CADM2: variants seen among roughly 807,000 people sequenced by gnomAD.
CADM2 encodes cell adhesion molecule 2, also known as immunoglobulin superfamily member 4D.
A neutral mutation model predicts 49.8 loss-of-function variants in CADM2; 12 were observed. That is an observed-to-expected ratio of 0.24 (90% confidence interval 0.15 to 0.39). CADM2 has a LOEUF of 0.39. Ranked by LOEUF, CADM2 falls within the 10% of genes least tolerant of loss-of-function variation. CADM2 has a pLI of 1.00. For synonymous variants in CADM2, 214 were observed against 175.4 expected (o/e 1.22, Z -1.74); for missense variants, 378 against 492.3 (o/e 0.77, Z 2.20).
chr3:84,959,713 C>A, intron 1 of CADM2, 45 bp downstream of exon 1: 1 of 1,484,798 alleles, frequency 6.7e-7, no homozygotes, highest in Non-Finnish European at 9.1e-7. Context: ...CTCGCCCATT[C>A]CCCATCTTCC....
intron 1 of CADM2, among the ~76,000 whole-genome samples, chr3:85,379,187 T>A (rs781729894): frequency 5.9e-5 from 9 of 151,970 alleles, no homozygotes; most frequent in Non-Finnish European, 1.0e-4. Flanking sequence ...TTTATGTTGA[T>A]CATAATTTCA....
intron 1 of CADM2, among the ~76,000 whole-genome samples, chr3:85,524,045 A>G (rs1047365632): frequency 3.3e-5 from 5 of 152,134 alleles, no homozygotes; most frequent in African/African-American, 1.2e-4. Flanking sequence ...GGAAATCATC[A>G]AACACTGTGA....
chr3:84,965,810 G>A (rs143897515), intron 1 of CADM2, among the ~76,000 whole-genome samples: 4 of 152,226 alleles, frequency 2.6e-5, no homozygotes, highest in East Asian at 3.9e-4. Flanking sequence ...TTACAAAATA[G>A]GAGTTAACTG....
At chr3:85,782,445 G>T (rs1358470178) in intron 2 of CADM2, among the ~76,000 whole-genome samples, 1 of 151,970 alleles carries the variant, frequency 6.6e-6, no homozygotes, top group African/African-American at 2.4e-5. Flanking sequence ...GGGAGGCTGA[G>T]GCGGGCGGAT....
At chr3:85,544,997 G>A (rs925411173) in intron 1 of CADM2, among the ~76,000 whole-genome samples, 1 of 152,058 alleles carries the variant, frequency 6.6e-6, no homozygotes, top group Admixed American at 6.6e-5. Context: ...ACCCAGACCT[G>A]CTCCTTGTCA....
In CADM2 at chr3:85,082,584, A is replaced by T. The variant is rs143407544; in HGVS notation, c.61+122916A>T. Among the ~76,000 whole-genome samples the T allele has an allele frequency of 1.1e-4, 16 of 152,256 alleles. No individual in the cohort carries two copies. The East Asian group carries it at 3.1e-3, about 29-fold the overall frequency. ...TCGCTGAACTTTTCTGAAACTGAAT[A>T]CATTTCTTGACCTGTGACATAGAAG... On this transcript the variant is annotated intron_variant, in intron 1 of 9. Transcript: ENST00000383699.
At chr3:85,769,590 GTATATACACA>G (rs1165333656) in intron 2 of CADM2, among the ~76,000 whole-genome samples, 1 of 80,766 alleles carries the variant, frequency 1.2e-5, no homozygotes, top group Non-Finnish European at 2.1e-5. Flanking sequence ...TACATATATA[GTATATACACA>G]TATATACATA....
At chr3:86,043,085 T>C (rs1170939542) in intron 8 of CADM2, among the ~76,000 whole-genome samples, 1 of 152,142 alleles carries the variant, frequency 6.6e-6, no homozygotes, top group African/African-American at 2.4e-5. Flanking sequence ...TATCTCAAAA[T>C]AATAAGAGCT....
At chr3:85,812,874 T>A (rs375167092) in intron 3 of CADM2, among the ~76,000 whole-genome samples, 1 of 152,194 alleles carries the variant, frequency 6.6e-6, no homozygotes, top group South Asian at 2.1e-4. Context: ...GCAAACAATA[T>A]GAACTCATCC....
intron 1 of CADM2, among the ~76,000 whole-genome samples, chr3:85,545,439 C>T (rs1454522583): frequency 6.6e-6 from 1 of 152,062 alleles, no homozygotes; most frequent in Non-Finnish European, 1.5e-5. Context: ...ACTTTAATAG[C>T]CCAAGGTCAA....
At chr3:85,421,587 A>T (rs978025468) in intron 1 of CADM2, among the ~76,000 whole-genome samples, 1 of 152,164 alleles carries the variant, frequency 6.6e-6, no homozygotes, top group Non-Finnish European at 1.5e-5. Flanking sequence ...ATGAAAACTG[A>T]TTACCTACAC....
Position 85,020,785 on chromosome 3 carries a change from G to GGT in CADM2, c.61+61134_61+61135dup, listed in dbSNP as rs375445421. Among the ~76,000 whole-genome samples the GGT allele has an allele frequency of 7.0e-4, 104 of 149,186 alleles. 1 individual carries two copies. In the South Asian group the frequency reaches 7.3e-3, roughly 10 times the overall value. On this transcript the variant is annotated intron_variant, in intron 1 of 9. Coordinates refer to ENST00000383699, the MANE Select transcript of CADM2 (RefSeq NM_001167675.2). Reference sequence around the variant, plus strand: ...GTGTATGGTGTGTGTGTGTGTAGGGGGTGTGTGTGTGTGTGTGTCCCTGTG... The same window carrying GGT: ...GTGTATGGTGTGTGTGTGTGTAGGGGGTGTGTGTGTGTGTGTGTGTCCCTGTG...
At chr3:85,081,323 C>T (rs2037156422) in intron 1 of CADM2, among the ~76,000 whole-genome samples, 1 of 152,066 alleles carries the variant, frequency 6.6e-6, no homozygotes, top group Non-Finnish European at 1.5e-5. Context: ...TAGCTTCTAT[C>T]AAAAACTAAA....
At chr3:86,002,534 C>T (rs975678071) in intron 8 of CADM2, among the ~76,000 whole-genome samples, 8 of 152,106 alleles carry the variant, frequency 5.3e-5, no homozygotes, top group African/African-American at 1.9e-4. Flanking sequence ...TAGAGATTAT[C>T]CTTCAGAACT....
At chr3:85,843,137 C>T (rs1218533239) in intron 3 of CADM2, among the ~76,000 whole-genome samples, 1 of 152,068 alleles carries the variant, frequency 6.6e-6, no homozygotes, top group African/African-American at 2.4e-5. Flanking sequence ...CTAGACACAT[C>T]TTTTGAAAAA....
chr3:85,865,105 C>A (rs984477045), intron 3 of CADM2, among the ~76,000 whole-genome samples: 1 of 152,204 alleles, frequency 6.6e-6, no homozygotes, highest in Admixed American at 6.5e-5. Flanking sequence ...GTTCTCACTG[C>A]TACAGGCCTG....
At chr3:86,026,430 TA>T (rs1460052277) in intron 8 of CADM2, among the ~76,000 whole-genome samples, 1 of 152,092 alleles carries the variant, frequency 6.6e-6, no homozygotes, top group Non-Finnish European at 1.5e-5. Flanking sequence ...TCACATCCTG[TA>T]TCATGGATTT....
At chr3:85,541,757 A>T (rs1401325021) in intron 1 of CADM2, among the ~76,000 whole-genome samples, 4 of 28,580 alleles carry the variant, frequency 1.4e-4, no homozygotes, top group Non-Finnish European at 5.2e-4. Flanking sequence ...TATATATTTT[A>T]TATATATATT....
chr3:85,101,417 G>A (rs938528825), intron 1 of CADM2, among the ~76,000 whole-genome samples: 2 of 151,920 alleles, frequency 1.3e-5, no homozygotes, highest in Admixed American at 6.6e-5. Context: ...ACGTATAAAG[G>A]CCTCCAAAAA....
Sources: allele counts gnomAD v4.1 joint callset (sites outside exome capture counted in the v4.1 genomes callset), GRCh38; gene constraint gnomAD v4.1.1; transcripts MANE v1.5; gene names NCBI Gene and HGNC (gene_info 2026-07-23, HGNC 2026-07-21).